The following BACH2 variants were observed in gnomAD, a reference collection of about 807,000 sequenced individuals.
BACH2 encodes BACH transcriptional regulator 2.
A neutral mutation model predicts 61.8 loss-of-function variants in BACH2; 5 were observed. That is an observed-to-expected ratio of 0.08 (90% CI 0.04 to 0.17). The LOEUF (loss-of-function observed/expected upper bound fraction) is 0.17, where lower values mean the gene tolerates loss of function less well. BACH2 is among the 10% of genes least tolerant of loss of function. The pLI is 1.00. For synonymous variants in BACH2, 446 were observed against 440.1 expected (o/e 1.01, Z -0.17); for missense variants, 824 against 1,091.1 (o/e 0.76, Z 3.45).
chr6:90,296,253 G>A (rs1041610088), intron 1 of BACH2, among the ~76,000 whole-genome samples: 1 of 151,926 alleles, frequency 6.6e-6, no homozygotes, highest in East Asian at 1.9e-4. Context: ...GCACACATTC[G>A]GCGCGGCGCG....
chr6:90,026,032 G>C (rs1778618949), intron 5 of BACH2, among the ~76,000 whole-genome samples: 1 of 152,038 alleles, frequency 6.6e-6, no homozygotes, highest in African/African-American at 2.4e-5. Context: ...GGGTGGGAGG[G>C]GAGTTCCCAG....
intron 3 of BACH2, among the ~76,000 whole-genome samples, chr6:90,227,318 C>T (rs536572642): frequency 8.4e-4 from 128 of 152,312 alleles, no homozygotes; most frequent in Non-Finnish European, 1.6e-3. Flanking sequence ...ACTCAGACCC[C>T]GGGCAGCCAG....
rs566217719 is a variant in BACH2 at position 90,266,562 on chromosome 6, T to C, written c.-353+5287A>G. 3.3e-5 allele frequency among the ~76,000 whole-genome samples: 5 copies of C among 152,290 alleles called. No individual in the cohort carries two copies. In the East Asian group the frequency reaches 9.6e-4, roughly 29 times the overall value. ...TATATTGTAGCATACAATAAAATTT[T>C]ATCCAGCCACAATAAGGAATGAAGT... is the stretch of plus-strand genomic sequence containing the variant. On this transcript the variant is annotated intron_variant, in intron 2 of 8. Transcript: ENST00000257749.
At chr6:90,115,048 C>T (rs1298128631) in intron 4 of BACH2, among the ~76,000 whole-genome samples, 2 of 152,122 alleles carry the variant, frequency 1.3e-5, no homozygotes, top group African/African-American at 2.4e-5. Flanking sequence ...AAAAACATCC[C>T]ATGCGCGTGG....
chr6:90,044,421 C>T (rs564644262), intron 5 of BACH2, among the ~76,000 whole-genome samples: 7 of 152,244 alleles, frequency 4.6e-5, no homozygotes, highest in South Asian at 4.1e-4. Context: ...TAGTGGCCAG[C>T]GAAAGCTGCA....
intron 1 of BACH2, 66 bp downstream of exon 1, chr6:90,296,414 C>A (rs1772392242): frequency 6.6e-6 from 1 of 150,888 alleles, no homozygotes; most frequent in African/African-American, 2.4e-5. Flanking sequence ...GCGCCCGCTC[C>A]CCCCGCAAAC....
chr6:90,118,609 A>T (rs1005069191), intron 4 of BACH2, among the ~76,000 whole-genome samples: 1 of 152,232 alleles, frequency 6.6e-6, no homozygotes. Flanking sequence ...GTTCATGTTC[A>T]TATTGTCTCA....
At position 89,987,793 on chromosome 6, in the gene BACH2, C is replaced by T. The variant is rs145168834; in HGVS notation, c.243+20809G>A. On this transcript the variant is annotated intron_variant, in intron 6 of 8. Transcript: ENST00000257749. ...TTCCAAATTGGATGGGGCCTGGACT[C>T]TAACATGCCTTATTTTTTAACCTCC... Among the ~76,000 whole-genome samples the T allele has an allele frequency of 2.3e-3, 346 of 152,214 alleles. 6 individuals are homozygous for T. The highest frequency in any genetic ancestry group is 0.021 in the East Asian group (111 of 5,172).
At chr6:90,242,625 C>T (rs367992098) in intron 3 of BACH2, among the ~76,000 whole-genome samples, 1 of 152,140 alleles carries the variant, frequency 6.6e-6, no homozygotes, top group Admixed American at 6.5e-5. Context: ...CTGAATTGTA[C>T]GTTAAGCCTA....
At chr6:90,074,800 T>C (rs1781397495) in intron 5 of BACH2, among the ~76,000 whole-genome samples, 2 of 152,146 alleles carry the variant, frequency 1.3e-5, no homozygotes, top group Admixed American at 1.3e-4. Flanking sequence ...TCCTTAGAAC[T>C]AAGAATAGCT....
chr6:90,033,930 G>T (rs925776403), intron 5 of BACH2, among the ~76,000 whole-genome samples: 1 of 152,136 alleles, frequency 6.6e-6, no homozygotes, highest in South Asian at 2.1e-4. Flanking sequence ...TAGTTAGAAT[G>T]CCAGTCAAGG....
intron 6 of BACH2, among the ~76,000 whole-genome samples, chr6:90,002,551 C>T (rs1287416712): frequency 2.6e-5 from 4 of 152,174 alleles, no homozygotes; most frequent in African/African-American, 7.2e-5. Context: ...AAGTGGATCA[C>T]TTGAGGTCAG....
rs1777558457 is a variant in BACH2 at position 90,008,956 on chromosome 6, GT to G, written c.-12-101del. ...GGTGAGAAAGAACATCATGGTTCCTGTGTCCCACTGCCATGAGCATGGCAGG... is the reference window on the plus strand; with the variant it reads ...GGTGAGAAAGAACATCATGGTTCCTGGTCCCACTGCCATGAGCATGGCAGG... On this transcript the variant is annotated intron_variant, in intron 5 of 8. Transcript: ENST00000257749. The surrounding 1 kb of genome is among the most constrained non-coding windows in gnomAD (Gnocchi z 4.1). 2.1e-6 allele frequency: 3 copies of G among 1,397,878 alleles called. No homozygotes were observed. The highest frequency in any genetic ancestry group is 4.5e-5 in the Admixed American group (2 of 44,484). The allele number at this position is 1,397,878 out of a possible 1,614,324, so 86.6% of individuals were successfully genotyped here. A position where few individuals can be genotyped will look rare whatever the true frequency, so the allele number is the denominator to read the frequency against.
At chr6:90,034,810 C>T (rs1329160681) in intron 5 of BACH2, among the ~76,000 whole-genome samples, 1 of 152,122 alleles carries the variant, frequency 6.6e-6, no homozygotes, top group Non-Finnish European at 1.5e-5. Context: ...ATGGCTTGCC[C>T]ATGCTCTCCT....
intron 7 of BACH2, among the ~76,000 whole-genome samples, chr6:89,944,015 C>T (rs1489936375): frequency 6.6e-6 from 1 of 152,214 alleles, no homozygotes; most frequent in East Asian, 1.9e-4. Flanking sequence ...GGGCAGATGG[C>T]AATGACAAAA....
chr6:89,993,042 C>T (rs1776663998), intron 6 of BACH2, among the ~76,000 whole-genome samples: 1 of 152,130 alleles, frequency 6.6e-6, no homozygotes, highest in African/African-American at 2.4e-5. Context: ...AGAGGAAAGG[C>T]TATGTGAGGA....
intron 5 of BACH2, among the ~76,000 whole-genome samples, chr6:90,057,964 G>T (rs906811086): frequency 3.9e-5 from 6 of 152,274 alleles, no homozygotes; most frequent in African/African-American, 1.4e-4. Flanking sequence ...GGATTGATGG[G>T]ACGTATCTCA....
intron 5 of BACH2, among the ~76,000 whole-genome samples, chr6:90,044,852 G>A (rs1227156804): frequency 3.3e-5 from 5 of 152,192 alleles, no homozygotes. Context: ...GATCAGGTAT[G>A]GGGGATGAGG....
intron 5 of BACH2, among the ~76,000 whole-genome samples, chr6:90,034,322 A>G (rs1238443613): frequency 1.3e-5 from 2 of 152,144 alleles, no homozygotes; most frequent in Non-Finnish European, 2.9e-5. Flanking sequence ...GCAACATGAA[A>G]TGCTTAATGA....
Sources: allele counts gnomAD v4.1 joint callset (sites outside exome capture counted in the v4.1 genomes callset), GRCh38; gene constraint gnomAD v4.1.1; non-coding constraint Gnocchi (gnomAD v3.1); transcripts MANE v1.5; gene names NCBI Gene and HGNC (gene_info 2026-07-23, HGNC 2026-07-21).